TG: variants seen among roughly 807,000 people sequenced by gnomAD.
TG encodes the protein thyroglobulin.
Under a neutral mutation model 324.7 loss-of-function variants are expected in TG, and 270 were observed. The ratio of observed to expected loss-of-function variants is 0.83; its 90% CI spans 0.75 to 0.92. The LOEUF is 0.92. Ranked by LOEUF, TG falls within the 40% of genes least tolerant of loss-of-function variation. The pLI is 0.00. For missense variants in TG, 3,591 were observed against 3,456.4 expected (o/e 1.04, Z -0.98); for synonymous variants, 1,401 against 1,327.0 (o/e 1.06, Z -1.21).
chr8:132,999,926 C>G (rs747573355), intron 35 of TG, among the ~76,000 whole-genome samples: 7 of 152,172 alleles, frequency 4.6e-5, no homozygotes, highest in East Asian at 1.9e-4. Flanking sequence ...AGACCTACAT[C>G]CCCCTGTGGG....
intron 45 of TG, among the ~76,000 whole-genome samples, chr8:133,123,232 C>T (rs890212814): frequency 4.6e-5 from 7 of 151,956 alleles, no homozygotes; most frequent in African/African-American, 1.7e-4. Context: ...AGACACTGCC[C>T]CTGAATCAAG....
At chr8:133,094,713 C>T in intron 41 of TG, 2 of 395,350 alleles carry the variant, frequency 5.1e-6, no homozygotes, top group Non-Finnish European at 4.8e-6. Flanking sequence ...AGGACTTTGC[C>T]ACAATCTCCG....
intron 43 of TG, chr8:133,106,561 C>A: frequency 1.6e-6 from 1 of 625,008 alleles, no homozygotes; most frequent in Non-Finnish European, 2.0e-6. Context: ...TCCACTGACC[C>A]CGTGGACCTC....
intron 47 of TG, among the ~76,000 whole-genome samples, chr8:133,134,406 C>A (rs1852198047): frequency 6.6e-6 from 1 of 152,160 alleles, no homozygotes; most frequent in South Asian, 2.1e-4. Flanking sequence ...GGGATCTTGT[C>A]CAGCTATAGT....
At position 132,901,542 on chromosome 8, in the gene TG, C is replaced by T. The variant is rs143086996; in HGVS notation, c.3623C>T (p.Pro1208Leu). 2.2e-5 allele frequency: 35 copies of T among 1,613,116 alleles called. No homozygotes were observed. Among genetic ancestry groups the T allele is most frequent in the Non-Finnish European group, 3.0e-5 (35 of 1,179,872 alleles). ...GGGACGCGCGTGACCGGGGGCCAGC[C>T]CGCCTGTGAGAGTAAGTCATGACCC... is the stretch of plus-strand genomic sequence containing the variant. ...VPGTRVTGGQ[P>L]ACESPRCPLP... Residue 1208 changes from proline to leucine, a missense_variant, in exon 16 of 48, where the codon CCC (proline) becomes CTC (leucine). Physicochemically the swap from Pro to Leu is moderately conservative, Grantham distance 98. Transcript: ENST00000220616.
At chr8:133,113,724 C>A in intron 44 of TG, 121 bp downstream of exon 44, 1 of 1,154,938 alleles carries the variant, frequency 8.7e-7, no homozygotes, top group Admixed American at 2.1e-5. Flanking sequence ...GTTTCCTCTG[C>A]ATCATTCATT....
intron 27 of TG, among the ~76,000 whole-genome samples, chr8:132,952,060 G>C (rs932519035): frequency 3.9e-5 from 6 of 152,128 alleles, no homozygotes; most frequent in Admixed American, 3.9e-4. Context: ...GTTTAACAAC[G>C]GGATAGATGG....
At chr8:132,923,243 C>T (rs1365300518) in intron 21 of TG, 95 bp from the exon 22 acceptor site, 1 of 1,369,918 alleles carries the variant, frequency 7.3e-7, no homozygotes, top group Non-Finnish European at 1.0e-6. Flanking sequence ...AGATGTGTGA[C>T]TTGGACACCT....
intron 8 of TG, chr8:132,883,219 A>T: frequency 1.7e-6 from 1 of 582,798 alleles, no homozygotes; most frequent in East Asian, 2.9e-5. Context: ...AGCTCAGGGA[A>T]TATTAGGAGG....
Position 133,019,142 on chromosome 8 carries a change from C to T in TG, c.6783-460C>T, listed in dbSNP as rs577901947. ...TCACCCATTGGGTAGATGACCATTG[C>T]GCTGCCATTAGTCATAGTCACAGCT... On this transcript the variant is annotated intron_variant, in intron 38 of 47. Coordinates refer to ENST00000220616, the MANE Select transcript of TG (RefSeq NM_003235.5). 1.8e-4 allele frequency among the ~76,000 whole-genome samples: 28 copies of T among 152,262 alleles called. 1 individual carries two copies. Among genetic ancestry groups the T allele is most frequent in the Admixed American group, 1.2e-3 (18 of 15,294 alleles).
intron 31 of TG, among the ~76,000 whole-genome samples, 185 bp from the exon 32 acceptor site, chr8:132,969,273 A>C (rs1829121151): frequency 6.6e-6 from 1 of 152,154 alleles, no homozygotes; most frequent in Non-Finnish European, 1.5e-5. Flanking sequence ...TTTTAAAAAA[A>C]ATCTTTGTCC....
intron 35 of TG, among the ~76,000 whole-genome samples, chr8:133,009,415 C>T (rs1834300174): frequency 6.6e-6 from 1 of 152,158 alleles, no homozygotes; most frequent in Non-Finnish European, 1.5e-5. Flanking sequence ...CTTAGGATGG[C>T]ACCCACTGCT....
At chr8:133,109,003 T>G (rs998564652) in intron 43 of TG, among the ~76,000 whole-genome samples, 3 of 152,222 alleles carry the variant, frequency 2.0e-5, no homozygotes, top group Admixed American at 1.3e-4. Context: ...GCAATAGGCA[T>G]TTTTCATTAT....
chr8:132,879,331 A>G (rs1048187418), intron 5 of TG, among the ~76,000 whole-genome samples: 1 of 152,198 alleles, frequency 6.6e-6, no homozygotes, highest in African/African-American at 2.4e-5. Flanking sequence ...TTGTTGAACG[A>G]GCACTGGAAA....
Position 132,882,950 on chromosome 8 carries a change from G to C in TG, c.1026G>C (p.Gln342His), listed in dbSNP as rs752858935. Residue 342 changes from glutamine to histidine, a missense_variant, in exon 8 of 48, where the codon CAG (glutamine) becomes CAC (histidine). Physicochemically the swap from Gln to His is conservative, Grantham distance 24. Coordinates refer to ENST00000220616, the MANE Select transcript of TG (RefSeq NM_003235.5). ...TEGPCWCVDA[Q>H]GKEMHGTRQQ... ...GGCCCTGCTGGTGTGTGGACGCCCA[G>C]GGGAAGGAAATGCATGGAACCCGGC... is the stretch of plus-strand genomic sequence containing the variant. The C allele has an allele frequency of 1.2e-6, 2 of 1,614,150 alleles. No individual in the cohort carries two copies. Among genetic ancestry groups the C allele is most frequent in the Admixed American group, 1.7e-5 (1 of 60,030 alleles).
intron 5 of TG, among the ~76,000 whole-genome samples, chr8:132,874,032 C>T (rs542735652): frequency 3.3e-5 from 5 of 152,106 alleles, no homozygotes; most frequent in African/African-American, 4.8e-5. Flanking sequence ...ATTAGCCGGG[C>T]GTGGTGGTGC....
intron 16 of TG, 100 bp from the exon 17 acceptor site, chr8:132,906,588 G>A (rs2132330569): frequency 7.4e-7 from 1 of 1,360,360 alleles, no homozygotes. Context: ...GAGAGGAGGA[G>A]GGCCCAGTGT....
Position 133,127,797 on chromosome 8 carries a change from A to G in TG, c.7863-4015A>G, listed in dbSNP as rs545375212. Among the ~76,000 whole-genome samples the G allele has an allele frequency of 1.2e-4, 19 of 152,086 alleles. 1 individual carries two copies. Among genetic ancestry groups the G allele is most frequent in the South Asian group, 1.0e-3 (5 of 4,814 alleles). On this transcript the variant is annotated intron_variant, in intron 45 of 47. Coordinates refer to ENST00000220616, the MANE Select transcript of TG (RefSeq NM_003235.5). Reference sequence around the variant, plus strand: ...TTTTCTGCCAGCTGCACCAGCCCCCACCTGCCCTGGCTCTCCTTGTGCTCA... The same window carrying G: ...TTTTCTGCCAGCTGCACCAGCCCCCGCCTGCCCTGGCTCTCCTTGTGCTCA...
At chr8:132,932,243 T>C (rs969068828) in intron 23 of TG, among the ~76,000 whole-genome samples, 1 of 152,110 alleles carries the variant, frequency 6.6e-6, no homozygotes. Context: ...AATCAGGAGA[T>C]GATGAAAACC....
Sources: allele counts gnomAD v4.1 joint callset (sites outside exome capture counted in the v4.1 genomes callset), GRCh38; gene constraint gnomAD v4.1.1; transcripts MANE v1.5; gene names NCBI Gene and HGNC (gene_info 2026-07-23, HGNC 2026-07-21).